ZNG1E: variants seen among roughly 807,000 people sequenced by gnomAD.
ZNG1E encodes the protein Zn regulated GTPase metalloprotein activator 1E.
At chr9:65,732,414 A>G in the ZNG1E span, 1 of 972,254 alleles carries the variant, frequency 1.0e-6, no homozygotes, top group African/African-American at 1.9e-5. Context: ...GTAAATTAAG[A>G]ATATTATTTC....
chr9:65,717,669 A>T, the ZNG1E span, among the ~76,000 whole-genome samples: 1 of 149,288 alleles, frequency 6.7e-6, no homozygotes, highest in South Asian at 2.1e-4. Flanking sequence ...ACAATGCTGC[A>T]TGAAATTTGC....
chr9:65,662,052 G>A, the ZNG1E span, among the ~76,000 whole-genome samples: 5,854 of 150,274 alleles, frequency 0.039, 17 homozygotes, highest in African/African-American at 0.14. Flanking sequence ...TTTTCTTGTG[G>A]CAGAACCCTG....
chr9:65,709,630 A>C, the ZNG1E span, among the ~76,000 whole-genome samples: 2 of 135,596 alleles, frequency 1.5e-5, no homozygotes, highest in Admixed American at 7.6e-5. Context: ...GCGATAGTTT[A>C]CTGAGAATGA....
chr9:65,700,124 T>A, the ZNG1E span: 1 of 493,224 alleles, frequency 2.0e-6, no homozygotes, highest in South Asian at 2.6e-5. Flanking sequence ...TCTTAACTGA[T>A]ATATTGATCT....
the ZNG1E span, among the ~76,000 whole-genome samples, chr9:65,709,264 A>T: frequency 1.7e-4 from 26 of 149,858 alleles, no homozygotes; most frequent in Admixed American, 8.0e-4. Flanking sequence ...AATACATGGA[A>T]AATTTTAGCT....
the ZNG1E span, chr9:65,732,951 A>T: frequency 6.2e-7 from 1 of 1,608,358 alleles, no homozygotes; most frequent in Non-Finnish European, 8.5e-7. Context: ...TTTAAGTTTG[A>T]ACTGAGGCTG....
the ZNG1E span, among the ~76,000 whole-genome samples, chr9:65,663,876 C>T: frequency 5.9e-5 from 9 of 151,864 alleles, no homozygotes; most frequent in Non-Finnish European, 8.8e-5. Flanking sequence ...TCTCTGTCAT[C>T]TATAGTACTC....
At chr9:65,693,922 G>T in the ZNG1E span, among the ~76,000 whole-genome samples, 4 of 151,004 alleles carry the variant, frequency 2.6e-5, no homozygotes, top group Non-Finnish European at 3.0e-5. Context: ...ATGCTCTAAG[G>T]GGATATGTCA....
the ZNG1E span, among the ~76,000 whole-genome samples, chr9:65,660,909 G>C: frequency 1.6e-5 from 2 of 126,214 alleles, no homozygotes; most frequent in African/African-American, 5.5e-5. Context: ...TGTCCAACAG[G>C]GCTAGATAAG....
chr9:65,685,082 C>G, the ZNG1E span, among the ~76,000 whole-genome samples: 23 of 145,004 alleles, frequency 1.6e-4, no homozygotes, highest in African/African-American at 5.8e-4. Flanking sequence ...TGTGTTTATA[C>G]TATACTGTAG....
At chr9:65,697,356 C>A in the ZNG1E span, among the ~76,000 whole-genome samples, 1 of 78,408 alleles carries the variant, frequency 1.3e-5, no homozygotes, top group Non-Finnish European at 2.8e-5. Flanking sequence ...AAATTATGTT[C>A]ATTTTACTTG....
chr9:65,666,330 G>A, the ZNG1E span, among the ~76,000 whole-genome samples: 1 of 149,180 alleles, frequency 6.7e-6, no homozygotes, highest in Non-Finnish European at 1.5e-5. Context: ...GTTTTGAAAA[G>A]GGGAGTTTCC....
chr9:65,679,801 C>T, the ZNG1E span, among the ~76,000 whole-genome samples: 1 of 152,194 alleles, frequency 6.6e-6, no homozygotes, highest in African/African-American at 2.4e-5. Context: ...GATCCACCCG[C>T]CTCGGCCTCC....
the ZNG1E span, among the ~76,000 whole-genome samples, chr9:65,720,982 A>AAC: frequency 6.6e-6 from 1 of 150,854 alleles, no homozygotes; most frequent in African/African-American, 2.5e-5. Context: ...TAAAAAAAAA[A>AAC]AAAAAAACCC....
the ZNG1E span, among the ~76,000 whole-genome samples, chr9:65,709,449 CCACT>C: frequency 2.2e-5 from 3 of 135,842 alleles, no homozygotes; most frequent in Admixed American, 7.4e-5. Flanking sequence ...TGGGCTGCAC[CCACT>C]AACTCGTCAT....
chr9:65,673,941 T>C, the ZNG1E span, among the ~76,000 whole-genome samples: 2 of 152,414 alleles, frequency 1.3e-5, no homozygotes, highest in South Asian at 4.1e-4. Context: ...AATGCAGTGC[T>C]GAAGGGACAT....
the ZNG1E span, among the ~76,000 whole-genome samples, chr9:65,709,998 C>T: frequency 1.3e-5 from 2 of 148,794 alleles, no homozygotes; most frequent in Admixed American, 6.7e-5. Flanking sequence ...TATTTCTCCA[C>T]ATCCTCTCCA....
chr9:65,704,834 C>G, the ZNG1E span: 1 of 86,670 alleles, frequency 1.2e-5, no homozygotes. Flanking sequence ...TGGCGTGAAC[C>G]CGGGAGGCGG....
chr9:65,678,121 G>T, the ZNG1E span, among the ~76,000 whole-genome samples: 1 of 149,764 alleles, frequency 6.7e-6, no homozygotes. Context: ...TCATAATATG[G>T]TTAAAAAGCC....
Sources: gnomAD v4.1 joint callset for allele counts (sites outside exome capture counted in the v4.1 genomes callset) on GRCh38, gnomAD v4.1.1 for gene constraint, MANE v1.5 for transcripts, NCBI Gene and HGNC (gene_info 2026-07-23, HGNC 2026-07-21) for gene names.